Variants in EYA2 observed in about 807,000 individuals in gnomAD.
The protein encoded by EYA2 is protein phosphatase EYA2.
EYA2 carries 31 observed loss-of-function variants against 69.2 expected under a neutral mutation model. The observed-to-expected ratio is 0.45, with a 90% confidence interval of 0.34 to 0.60. The LOEUF is 0.60. Among genes scored for constraint, EYA2 ranks in the 20% least tolerant of loss-of-function variants. The pLI is 0.02. For synonymous variants in EYA2, 257 were observed against 279.4 expected (o/e 0.92, Z 0.80); for missense variants, 622 against 701.2 (o/e 0.89, Z 1.28).
intron 1 of EYA2, among the ~76,000 whole-genome samples, chr20:46,961,937 C>T (rs1348070987): frequency 6.6e-6 from 1 of 152,198 alleles, no homozygotes; most frequent in Non-Finnish European, 1.5e-5. Flanking sequence ...GGAATAAGTT[C>T]CAGTGATCTA....
intron 10 of EYA2, among the ~76,000 whole-genome samples, chr20:47,163,449 C>G (rs562972195): frequency 6.6e-6 from 1 of 152,020 alleles, no homozygotes; most frequent in African/African-American, 2.4e-5. Context: ...CTGTAATCCC[C>G]GCACTTTGGG....
At chr20:47,173,534 G>GAAAAT (rs2034371585) in intron 12 of EYA2, among the ~76,000 whole-genome samples, 1 of 56,114 alleles carries the variant, frequency 1.8e-5, no homozygotes, top group Non-Finnish European at 3.4e-5. Context: ...AAAAAAAAAC[G>GAAAAT]TGCAGGGTCT....
intron 2 of EYA2, among the ~76,000 whole-genome samples, chr20:46,990,406 C>T (rs772102719): frequency 1.5e-4 from 23 of 152,136 alleles, no homozygotes; most frequent in Non-Finnish European, 2.8e-4. Flanking sequence ...CACTTTGGGG[C>T]GTGTCCCAGG....
At chr20:47,054,326 G>A (rs901234844) in intron 5 of EYA2, among the ~76,000 whole-genome samples, 4 of 152,154 alleles carry the variant, frequency 2.6e-5, no homozygotes, top group African/African-American at 9.7e-5. Flanking sequence ...AATGAATGAC[G>A]CTAAGGAAAT....
chr20:46,912,098 G>A (rs780844626), intron 1 of EYA2, among the ~76,000 whole-genome samples: 2 of 152,164 alleles, frequency 1.3e-5, no homozygotes, highest in Non-Finnish European at 2.9e-5. Flanking sequence ...CAAATAGAAG[G>A]TGGAGCATGG....
intron 7 of EYA2, among the ~76,000 whole-genome samples, chr20:47,078,323 GCGCGCGCGCA>G (rs747464061): frequency 2.0e-5 from 1 of 50,970 alleles, no homozygotes; most frequent in South Asian, 4.8e-4. Flanking sequence ...GCACGTGCGC[GCGCGCGCGCA>G]CACACACACA....
chr20:46,975,951 T>C (rs1171683219), intron 1 of EYA2, among the ~76,000 whole-genome samples: 1 of 152,230 alleles, frequency 6.6e-6, no homozygotes, highest in East Asian at 1.9e-4. Flanking sequence ...TAGTCTGGAA[T>C]TGAGATTCAA....
chr20:46,915,255 G>GT (rs1284804366), intron 1 of EYA2, among the ~76,000 whole-genome samples: 3 of 152,266 alleles, frequency 2.0e-5, no homozygotes, highest in South Asian at 4.1e-4. Context: ...GGTGTGTTGT[G>GT]TTTTTTTAAA....
chr20:47,007,566 AGCAGTGGGTAATAGGAT>A (rs1261204538), intron 4 of EYA2, among the ~76,000 whole-genome samples: 1 of 152,046 alleles, frequency 6.6e-6, no homozygotes, highest in African/African-American at 2.4e-5. Context: ...AGGGTTTATA[AGCAGTGGGTAATAGGAT>A]GCAACTTAGG....
At chr20:47,165,515 TG>T (rs2034163269) in intron 10 of EYA2, among the ~76,000 whole-genome samples, 1 of 152,102 alleles carries the variant, frequency 6.6e-6, no homozygotes, top group African/African-American at 2.4e-5. Context: ...GGAAGCCACC[TG>T]GGGGTACTTC....
At chr20:47,141,188 T>C (rs2033586841) in intron 9 of EYA2, among the ~76,000 whole-genome samples, 1 of 152,234 alleles carries the variant, frequency 6.6e-6, no homozygotes, top group Non-Finnish European at 1.5e-5. Context: ...GAGTTAATAC[T>C]TATAAAGTGG....
intron 10 of EYA2, among the ~76,000 whole-genome samples, chr20:47,149,597 A>G (rs2033777812): frequency 6.6e-6 from 1 of 151,414 alleles, no homozygotes; most frequent in East Asian, 1.9e-4. Flanking sequence ...TAATCCCAGC[A>G]CTTTGGGAGG....
At chr20:47,165,832 A>G (rs2034174047) in intron 10 of EYA2, among the ~76,000 whole-genome samples, 1 of 152,116 alleles carries the variant, frequency 6.6e-6, no homozygotes. Context: ...AGGGCAACCC[A>G]GGCTGCCCCA....
At chr20:47,054,538 G>T (rs969769164) in intron 5 of EYA2, among the ~76,000 whole-genome samples, 1 of 152,154 alleles carries the variant, frequency 6.6e-6, no homozygotes, top group Non-Finnish European at 1.5e-5. Context: ...GGTGTACTGA[G>T]TAAAAGCCTC....
chr20:47,135,818 CAAAAAAAAAAA>C (rs1201324879), intron 9 of EYA2, among the ~76,000 whole-genome samples: 1 of 33,264 alleles, frequency 3.0e-5, no homozygotes, highest in African/African-American at 1.3e-4. Context: ...CCTGTCTCTA[CAAAAAAAAAAA>C]AAAAAAAAAA....
chr20:47,133,794 A>G (rs1324783625), intron 9 of EYA2, among the ~76,000 whole-genome samples: 1 of 152,204 alleles, frequency 6.6e-6, no homozygotes, highest in Non-Finnish European at 1.5e-5. Flanking sequence ...GTTGCCAACC[A>G]GGGAAGCCCA....
intron 5 of EYA2, among the ~76,000 whole-genome samples, chr20:47,069,893 A>G (rs932021655): frequency 2.0e-5 from 3 of 152,122 alleles, no homozygotes; most frequent in Non-Finnish European, 2.9e-5. Flanking sequence ...GATGAATTTA[A>G]GTCCTTAATC....
At chr20:47,166,730 C>A (rs897026909) in intron 10 of EYA2, among the ~76,000 whole-genome samples, 29 of 152,214 alleles carry the variant, frequency 1.9e-4, no homozygotes, top group African/African-American at 7.0e-4. Flanking sequence ...TCGGTGCTCT[C>A]ATGCAGCATC....
chr20:46,924,392 C>T (rs754861515), intron 1 of EYA2, among the ~76,000 whole-genome samples: 1 of 152,062 alleles, frequency 6.6e-6, no homozygotes, highest in Non-Finnish European at 1.5e-5. Context: ...AAGTGTAGGC[C>T]GGGCACGCTG....
Sources: allele counts gnomAD v4.1 joint callset (sites outside exome capture counted in the v4.1 genomes callset), GRCh38; gene constraint gnomAD v4.1.1; transcripts MANE v1.5; gene names NCBI Gene and HGNC (gene_info 2026-07-23, HGNC 2026-07-21).